The following RYR2 variants were observed in gnomAD, a reference collection of about 807,000 sequenced individuals.
RYR2 encodes the protein ryanodine receptor 2.
Under a neutral mutation model 601.1 loss-of-function variants are expected in RYR2, and 227 were observed. That is an observed-to-expected ratio of 0.38 (90% CI 0.34 to 0.42). The LOEUF (loss-of-function observed/expected upper bound fraction) is 0.42. Among genes scored for constraint, RYR2 ranks in the 10% least tolerant of loss-of-function variants. The pLI is 1.00. For missense variants in RYR2, 4,646 were observed against 6,156.5 expected, an observed-to-expected ratio of 0.75 and a Z score of 8.21; for synonymous variants, 2,223 against 2,175.1, an observed-to-expected ratio of 1.02 and a Z score of -0.61.
At chr1:237,531,891 G>T (rs756685071) in intron 25 of RYR2, among the ~76,000 whole-genome samples, 3 of 152,032 alleles carry the variant, frequency 2.0e-5, no homozygotes, top group Non-Finnish European at 4.4e-5. Flanking sequence ...GTGTAAAAAT[G>T]ATATAAAAAT....
At chr1:237,111,145 C>T (rs567852691) in intron 1 of RYR2, among the ~76,000 whole-genome samples, 4 of 152,172 alleles carry the variant, frequency 2.6e-5, no homozygotes, top group African/African-American at 9.7e-5. Context: ...ACTGCTGTAT[C>T]GAGCTGCTCT....
chr1:237,480,310 T>G (rs1661897751), intron 17 of RYR2, among the ~76,000 whole-genome samples: 1 of 148,832 alleles, frequency 6.7e-6, no homozygotes, highest in Admixed American at 6.8e-5. Flanking sequence ...TCCCAGTTAC[T>G]TGGGAGGCTG....
chr1:237,176,068 C>CA (rs1389716699), intron 1 of RYR2, among the ~76,000 whole-genome samples: 2 of 151,144 alleles, frequency 1.3e-5, no homozygotes, highest in African/African-American at 2.4e-5. Flanking sequence ...CTTATCTCTG[C>CA]AAAAAAATCA....
intron 73 of RYR2, among the ~76,000 whole-genome samples, chr1:237,720,686 G>A (rs1689644103): frequency 6.6e-6 from 1 of 152,194 alleles, no homozygotes; most frequent in Non-Finnish European, 1.5e-5. Context: ...GGGATCCCCA[G>A]GGGACCCTAG....
chr1:237,467,051 G>A (rs929484109), intron 16 of RYR2, among the ~76,000 whole-genome samples: 63 of 150,358 alleles, frequency 4.2e-4, no homozygotes, highest in African/African-American at 1.2e-3. Context: ...TATTAAAAGA[G>A]TTCATTCTTA....
intron 17 of RYR2, among the ~76,000 whole-genome samples, chr1:237,487,689 T>A (rs962010087): frequency 1.3e-5 from 2 of 151,382 alleles, no homozygotes; most frequent in African/African-American, 4.9e-5. Flanking sequence ...GCTATAATCG[T>A]GCCAATGCTC....
intron 100 of RYR2, 39 bp from the exon 101 acceptor site, chr1:237,818,997 A>C: frequency 1.3e-6 from 2 of 1,574,538 alleles, no homozygotes; most frequent in Non-Finnish European, 1.7e-6. Flanking sequence ...AAAAATGGGT[A>C]ATGTCCCTCC....
chr1:237,493,170 T>C, intron 19 of RYR2, 83 bp downstream of exon 19: 1 of 1,493,014 alleles, frequency 6.7e-7, no homozygotes, highest in Non-Finnish European at 9.3e-7. Flanking sequence ...TACTATATGG[T>C]CTGTTTTTTA....
chr1:237,462,562 T>C (rs1659601591), intron 16 of RYR2, among the ~76,000 whole-genome samples: 1 of 152,192 alleles, frequency 6.6e-6, no homozygotes, highest in South Asian at 2.1e-4. Context: ...AACTTTCCTA[T>C]GAATACTCAT....
intron 10 of RYR2, among the ~76,000 whole-genome samples, chr1:237,391,913 A>G (rs1702419162): frequency 6.6e-6 from 1 of 152,126 alleles, no homozygotes; most frequent in Non-Finnish European, 1.5e-5. Context: ...TTTTGCTTTT[A>G]TGGATTGAAT....
chr1:237,177,541 C>CGT (rs1678194002), intron 1 of RYR2, among the ~76,000 whole-genome samples: 1 of 152,198 alleles, frequency 6.6e-6, no homozygotes, highest in African/African-American at 2.4e-5. Context: ...AATGATTTCA[C>CGT]ATACCATGTA....
chr1:237,661,097 T>A (rs186929549), intron 56 of RYR2, 150 bp downstream of exon 56: 377 of 738,702 alleles, frequency 5.1e-4, no homozygotes, highest in African/African-American at 1.0e-3. Context: ...ATATATATAT[T>A]TTTTTTAGTT....
chr1:237,550,641 G>T lies in RYR2; in HGVS notation c.3164G>T (p.Arg1055Leu). ...SNKDSLREAV[R>L]TLLGYGYNLE... ...AAGGACAGCCTCCGCGAGGCTGTGC[G>T]CACGCTGCTGGGGTACGGCTACAAC... The change falls in exon 27 of 105, where the codon CGC becomes CTC. Residue 1055 changes from arginine (R) to leucine (L), a missense_variant. Physicochemically the swap from Arg to Leu is moderately radical, Grantham distance 102. Transcript: ENST00000366574. 1.3e-6 allele frequency: 2 copies of T among 1,578,886 alleles called. No individual in the cohort carries two copies. Among genetic ancestry groups the T allele is most frequent in the Non-Finnish European group, 1.7e-6 (2 of 1,161,788 alleles).
intron 1 of RYR2, among the ~76,000 whole-genome samples, chr1:237,149,353 C>T (rs1450801643): frequency 1.3e-5 from 2 of 151,812 alleles, no homozygotes; most frequent in East Asian, 3.9e-4. Flanking sequence ...AAAAAACCCC[C>T]GAAAACAAAG....
rs192866171 is a variant in RYR2, at chr1:237,074,438, C to T, written c.48+31869C>T. Among the ~76,000 whole-genome samples the T allele has an allele frequency of 1.4e-4, 22 of 152,280 alleles. No homozygotes were observed. In the East Asian group the frequency reaches 3.3e-3, roughly 23 times the overall value. ...AGGATGACTCCTTGGGAGGAAGATG[C>T]GGCAATGGGAGGACACTGATGGATA... On this transcript the variant is annotated intron_variant, in intron 1 of 104. Coordinates refer to ENST00000366574, the MANE Select transcript of RYR2 (RefSeq NM_001035.3).
At chr1:237,496,970 C>T (rs1049195597) in intron 20 of RYR2, among the ~76,000 whole-genome samples, 10 of 152,050 alleles carry the variant, frequency 6.6e-5, no homozygotes, top group South Asian at 2.1e-4. Context: ...AAGGGACTGC[C>T]GAGCTTGTGA....
intron 92 of RYR2, 70 bp from the exon 93 acceptor site, chr1:237,791,359 T>C (rs1658356975): frequency 2.5e-6 from 2 of 795,950 alleles, no homozygotes; most frequent in Non-Finnish European, 4.4e-6. Context: ...AATGAATGCT[T>C]TATTTAAATT....
At chr1:237,613,592 G>T (rs1442984197) in intron 36 of RYR2, among the ~76,000 whole-genome samples, 1 of 152,108 alleles carries the variant, frequency 6.6e-6, no homozygotes. Context: ...CTAGATGAAT[G>T]TCAAATTCTA....
chr1:237,487,360 T>A (rs1662796447), intron 17 of RYR2, among the ~76,000 whole-genome samples: 1 of 152,068 alleles, frequency 6.6e-6, no homozygotes, highest in African/African-American at 2.4e-5. Context: ...TCATTTGTTG[T>A]CCTTTAAGAA....
Sources: allele counts gnomAD v4.1 joint callset (sites outside exome capture counted in the v4.1 genomes callset), GRCh38; gene constraint gnomAD v4.1.1; transcripts MANE v1.5; gene names NCBI Gene and HGNC (gene_info 2026-07-23, HGNC 2026-07-21).